EYS: variants seen among roughly 807,000 people sequenced by gnomAD.
EYS encodes the protein protein eyes shut homolog.
EYS carries 250 observed loss-of-function variants against 282.1 expected under a neutral mutation model. That is an observed-to-expected ratio of 0.89 (90% CI 0.80 to 0.98). EYS has a LOEUF of 0.98. Among genes scored for constraint, EYS ranks in the 50% least tolerant of loss-of-function variants. EYS has a pLI of 0.00. For missense variants in EYS, 4,016 were observed against 3,709.0 expected, an observed-to-expected ratio of 1.08 and a Z score of -2.15; for synonymous variants, 1,355 against 1,282.9, an observed-to-expected ratio of 1.06 and a Z score of -1.20.
intron 12 of EYS, among the ~76,000 whole-genome samples, chr6:65,151,161 AT>A (rs1216259764): frequency 5.9e-5 from 9 of 152,082 alleles, no homozygotes; most frequent in African/African-American, 1.7e-4. Context: ...ACTAAAAAAA[AT>A]ATGGAAAACA....
intron 5 of EYS, among the ~76,000 whole-genome samples, chr6:65,430,288 A>T (rs920902896): frequency 5.9e-5 from 9 of 152,160 alleles, no homozygotes; most frequent in African/African-American, 2.2e-4. Flanking sequence ...TAGAGCAGAA[A>T]GAAAAACCAG....
At chr6:64,611,824 A>G (rs1767124210) in intron 24 of EYS, among the ~76,000 whole-genome samples, 1 of 152,292 alleles carries the variant, frequency 6.6e-6, no homozygotes, top group South Asian at 2.1e-4. Context: ...CTAAAATACA[A>G]ATTACTTGAA....
chr6:65,687,500 T>C (rs530029910), intron 1 of EYS, among the ~76,000 whole-genome samples: 29 of 152,194 alleles, frequency 1.9e-4, no homozygotes, highest in Non-Finnish European at 3.4e-4. Flanking sequence ...AGTAGAAAGA[T>C]TCTAAACATA....
chr6:64,417,640 A>G (rs1271316303), intron 28 of EYS, among the ~76,000 whole-genome samples: 1 of 151,238 alleles, frequency 6.6e-6, no homozygotes, highest in Non-Finnish European at 1.5e-5. Context: ...AACTCTAGCA[A>G]ATAATGCATA....
At chr6:64,998,411 T>C (rs9345584) in intron 13 of EYS, among the ~76,000 whole-genome samples, 10,323 of 152,264 alleles carry the variant, frequency 0.068, 444 homozygotes, top group East Asian at 0.13. Flanking sequence ...ACTCCCATTA[T>C]GCCTCTCTGC....
At chr6:63,990,028 A>C (rs1271653419) in intron 34 of EYS, among the ~76,000 whole-genome samples, 1 of 151,610 alleles carries the variant, frequency 6.6e-6, no homozygotes, top group Non-Finnish European at 1.5e-5. Context: ...TTGAAGGGAC[A>C]ACTAAACTTT....
chr6:64,884,980 T>A (rs1255899105), intron 19 of EYS, among the ~76,000 whole-genome samples: 2 of 151,600 alleles, frequency 1.3e-5, no homozygotes, highest in African/African-American at 4.8e-5. Context: ...CACCACTCTT[T>A]TCCTTTGACT....
intron 2 of EYS, among the ~76,000 whole-genome samples, chr6:65,584,890 A>G (rs1047290348): frequency 7.2e-6 from 1 of 138,730 alleles, no homozygotes; most frequent in African/African-American, 2.6e-5. Flanking sequence ...TGGGAATATT[A>G]TATATATTAT....
At chr6:64,450,590 T>C (rs1437222041) in intron 26 of EYS, among the ~76,000 whole-genome samples, 1 of 152,104 alleles carries the variant, frequency 6.6e-6, no homozygotes, top group Non-Finnish European at 1.5e-5. Context: ...ATTCCAAAAT[T>C]GACCACATAC....
intron 40 of EYS, among the ~76,000 whole-genome samples, chr6:63,765,929 A>G (rs1358557760): frequency 2.6e-5 from 4 of 151,990 alleles, no homozygotes; most frequent in African/African-American, 9.7e-5. Flanking sequence ...CTTCAGTTCA[A>G]CTTTCAAGTG....
In EYS at chr6:65,037,031, T is replaced by C. The variant is rs184034805; in HGVS notation, c.2137+20583A>G. ...ACATGTATGTTCATTGCAGCACTAT[T>C]CCTAATAGCAAAGTCATGGAATCTA... On this transcript the variant is annotated intron_variant, in intron 13 of 42. Transcript: ENST00000503581. Among the ~76,000 whole-genome samples the C allele has an allele frequency of 2.6e-5, 4 of 152,088 alleles. No individual in the cohort carries two copies. In the East Asian group the frequency reaches 7.7e-4, roughly 29 times the overall value.
chr6:65,415,763 G>T (rs1162675985), intron 5 of EYS, among the ~76,000 whole-genome samples: 1 of 152,050 alleles, frequency 6.6e-6, no homozygotes, highest in Non-Finnish European at 1.5e-5. Flanking sequence ...CTAATGAAAG[G>T]GGTGGAAGTT....
intron 31 of EYS, among the ~76,000 whole-genome samples, chr6:64,085,513 C>T (rs1772128731): frequency 6.6e-6 from 1 of 152,034 alleles, no homozygotes; most frequent in Non-Finnish European, 1.5e-5. Context: ...CACAAGATAG[C>T]CTTCTTCAAA....
chr6:64,410,248 T>C (rs1328982356), intron 28 of EYS, among the ~76,000 whole-genome samples: 4 of 152,190 alleles, frequency 2.6e-5, no homozygotes, highest in East Asian at 1.9e-4. Flanking sequence ...CCCTGATGGC[T>C]GATGGAAACT....
chr6:64,820,613 G>T (rs1764872074), intron 21 of EYS, among the ~76,000 whole-genome samples: 2 of 152,056 alleles, frequency 1.3e-5, no homozygotes, highest in African/African-American at 2.4e-5. Context: ...CAGAAAATGT[G>T]CTAATTGTTT....
At chr6:64,389,244 CA>C (rs1773018737) in intron 28 of EYS, among the ~76,000 whole-genome samples, 1 of 152,066 alleles carries the variant, frequency 6.6e-6, no homozygotes, top group South Asian at 2.1e-4. Flanking sequence ...AGGTGGAAAA[CA>C]GATATATTGC....
chr6:65,560,713 T>C (rs1769020215), intron 2 of EYS, among the ~76,000 whole-genome samples: 1 of 152,032 alleles, frequency 6.6e-6, no homozygotes, highest in Non-Finnish European at 1.5e-5. Context: ...ATTAAATGGA[T>C]ATATATAATG....
intron 26 of EYS, among the ~76,000 whole-genome samples, chr6:64,518,671 C>T (rs1777636069): frequency 6.6e-6 from 1 of 151,500 alleles, no homozygotes; most frequent in Non-Finnish European, 1.5e-5. Flanking sequence ...CCATAATCTC[C>T]GTGTGTCATG....
chr6:64,034,823 G>GCAC (rs1562165749), intron 33 of EYS, among the ~76,000 whole-genome samples: 1 of 152,026 alleles, frequency 6.6e-6, no homozygotes, highest in East Asian at 1.9e-4. Context: ...GCAACACGAG[G>GCAC]CATTCTCTTA....
Sources: allele counts gnomAD v4.1 joint callset (sites outside exome capture counted in the v4.1 genomes callset), GRCh38; gene constraint gnomAD v4.1.1; transcripts MANE v1.5; gene names NCBI Gene and HGNC (gene_info 2026-07-23, HGNC 2026-07-21).